ARHGAP42: variants seen among roughly 807,000 people sequenced by gnomAD.
ARHGAP42 encodes the protein rho GTPase-activating protein 42.
Under a neutral mutation model 125.0 loss-of-function variants are expected in ARHGAP42, and 63 were observed. The ratio of observed to expected loss-of-function variants is 0.50; its 90% CI spans 0.41 to 0.62. ARHGAP42 has a LOEUF of 0.62. Among genes scored for constraint, ARHGAP42 ranks in the 20% least tolerant of loss-of-function variants. ARHGAP42 has a pLI of 0.00. For missense variants in ARHGAP42, 766 were observed against 1,024.2 expected (o/e 0.75, Z 3.44); for synonymous variants, 339 against 351.0 (o/e 0.97, Z 0.38).
chr11:100,783,722 G>A (rs538219006), intron 2 of ARHGAP42, among the ~76,000 whole-genome samples: 29 of 152,326 alleles, frequency 1.9e-4, no homozygotes, highest in African/African-American at 7.0e-4. Flanking sequence ...CAGTGCCAAT[G>A]CTGTGCAAAT....
At chr11:100,921,214 CAT>C (rs1555024757) in intron 5 of ARHGAP42, among the ~76,000 whole-genome samples, 17 of 36,292 alleles carry the variant, frequency 4.7e-4, no homozygotes, top group Admixed American at 2.2e-3. Flanking sequence ...TATATATATA[CAT>C]ATATATATAT....
intron 1 of ARHGAP42, among the ~76,000 whole-genome samples, chr11:100,695,556 C>T (rs1861262414): frequency 1.3e-5 from 2 of 152,168 alleles, no homozygotes; most frequent in South Asian, 2.1e-4. Context: ...CTACCCTCCT[C>T]GGCCTCCCAA....
chr11:100,875,150 T>C (rs1019595493), intron 4 of ARHGAP42, among the ~76,000 whole-genome samples: 3 of 137,052 alleles, frequency 2.2e-5, no homozygotes, highest in African/African-American at 8.3e-5. Flanking sequence ...TGTGTGTGTG[T>C]GTGGCTCATG....
chr11:100,757,067 A>G (rs1862594441), intron 1 of ARHGAP42, among the ~76,000 whole-genome samples: 1 of 152,208 alleles, frequency 6.6e-6, no homozygotes, highest in Admixed American at 6.5e-5. Context: ...TATATAATAC[A>G]TTGGCAGTTA....
rs377253496 is a variant in ARHGAP42, at chr11:100,797,804, A to G, written c.312+2638A>G. On this transcript the variant is annotated intron_variant, in intron 3 of 23. Coordinates refer to ENST00000298815, the MANE Select transcript of ARHGAP42 (RefSeq NM_152432.4). Reference sequence around the variant, plus strand: ...AAGAAATACATTTTTTCAAGGCTATAGCTGCCATAGATTTTGATTCCTCTG... The same window carrying G: ...AAGAAATACATTTTTTCAAGGCTATGGCTGCCATAGATTTTGATTCCTCTG... Among the ~76,000 whole-genome samples the G allele has an allele frequency of 2.2e-4, 34 of 152,296 alleles. 1 individual carries two copies. In the East Asian group the frequency reaches 4.1e-3, roughly 18 times the overall value.
chr11:100,713,767 G>T (rs1321220760), intron 1 of ARHGAP42, among the ~76,000 whole-genome samples: 1 of 152,158 alleles, frequency 6.6e-6, no homozygotes, highest in Admixed American at 6.5e-5. Context: ...GGGATCTGCA[G>T]AAATTTGTTT....
chr11:100,801,532 A>G (rs1565220025), intron 3 of ARHGAP42, among the ~76,000 whole-genome samples: 1 of 152,332 alleles, frequency 6.6e-6, no homozygotes, highest in East Asian at 1.9e-4. Context: ...AAGAGCCCAA[A>G]GAAACATGGG....
intron 1 of ARHGAP42, among the ~76,000 whole-genome samples, chr11:100,708,201 A>G (rs1861508216): frequency 6.6e-6 from 1 of 152,220 alleles, no homozygotes; most frequent in African/African-American, 2.4e-5. Context: ...TACCTAGCAT[A>G]GTACCTGGTA....
intron 3 of ARHGAP42, among the ~76,000 whole-genome samples, chr11:100,808,595 C>T (rs1466859372): frequency 6.6e-6 from 1 of 150,558 alleles, no homozygotes; most frequent in Non-Finnish European, 1.5e-5. Flanking sequence ...TTAGTAGAGA[C>T]GGGGTTTCAC....
intron 3 of ARHGAP42, among the ~76,000 whole-genome samples, chr11:100,812,207 A>C (rs1355258893): frequency 6.6e-6 from 1 of 152,236 alleles, no homozygotes; most frequent in Non-Finnish European, 1.5e-5. Context: ...ACAAGCTGTA[A>C]ACTGTAGGAT....
chr11:100,756,575 T>G lies in ARHGAP42; in HGVS notation c.155-13768T>G, dbSNP rs530079748. 8.7e-4 allele frequency among the ~76,000 whole-genome samples: 133 copies of G among 152,338 alleles called. 1 individual carries two copies. The highest frequency in any genetic ancestry group is 3.0e-3 in the African/African-American group (124 of 41,576). On this transcript the variant is annotated intron_variant, in intron 1 of 23. Coordinates refer to ENST00000298815, the MANE Select transcript of ARHGAP42 (RefSeq NM_152432.4). ...CATATACATTTGTTAAGTTTTTTAT[T>G]GAATGGTGACCCAATCATAGGCCGA...
At chr11:100,854,317 A>G (rs1409530366) in intron 3 of ARHGAP42, among the ~76,000 whole-genome samples, 2 of 152,190 alleles carry the variant, frequency 1.3e-5, no homozygotes. Flanking sequence ...TGAAAGTTAT[A>G]TTAAATTCAA....
intron 17 of ARHGAP42, among the ~76,000 whole-genome samples, chr11:100,972,744 C>A (rs900488882): frequency 1.3e-5 from 2 of 152,096 alleles, no homozygotes; most frequent in African/African-American, 2.4e-5. Context: ...ATCTGACTTA[C>A]TGGGAAGACT....
intron 1 of ARHGAP42, among the ~76,000 whole-genome samples, chr11:100,723,238 T>C (rs565074298): frequency 6.6e-6 from 1 of 152,298 alleles, no homozygotes; most frequent in Non-Finnish European, 1.5e-5. Context: ...ACTTTATTCT[T>C]CTTCAATACT....
intron 3 of ARHGAP42, among the ~76,000 whole-genome samples, chr11:100,858,346 C>G (rs1028600256): frequency 2.6e-5 from 4 of 152,132 alleles, no homozygotes; most frequent in African/African-American, 9.6e-5. Flanking sequence ...GAGTATTAGT[C>G]CACTTTCTAT....
At chr11:100,689,682 C>A (rs1861153511) in intron 1 of ARHGAP42, among the ~76,000 whole-genome samples, 1 of 152,198 alleles carries the variant, frequency 6.6e-6, no homozygotes. Flanking sequence ...GGCTTATGCA[C>A]TTAATTATAC....
chr11:100,929,680 CTT>C (rs34015523), intron 6 of ARHGAP42, among the ~76,000 whole-genome samples: 7,001 of 152,252 alleles, frequency 0.046, 308 homozygotes, highest in East Asian at 0.25. Flanking sequence ...CTTTCAAATG[CTT>C]TTTGACCATT....
chr11:100,973,836 C>T (rs1858318290), intron 18 of ARHGAP42, among the ~76,000 whole-genome samples: 1 of 152,106 alleles, frequency 6.6e-6, no homozygotes, highest in South Asian at 2.1e-4. Context: ...CAAATTGAAC[C>T]ATTTAAGGTC....
Position 100,989,703 on chromosome 11 carries a change from C to T in ARHGAP42, c.*902C>T, listed in dbSNP as rs1858781981. 1 of 152,186 alleles carries T rather than the reference C, an allele frequency of 6.6e-6. No individual in the cohort carries two copies. Among genetic ancestry groups the T allele is most frequent in the Non-Finnish European group, 1.5e-5 (1 of 68,032 alleles). The allele number at this position is 152,186 out of a possible 1,614,324, so 9.4% of individuals were successfully genotyped here. A position where few individuals can be genotyped will look rare whatever the true frequency, so the allele number is the denominator to read the frequency against. ...TACCAATGATGGGGAAACTGTAAAA[C>T]TACAGTATCAAGGCATACAACTTAA... On this transcript the variant is annotated 3_prime_UTR_variant, in exon 24 of 24. Transcript: ENST00000298815.
Sources: gnomAD v4.1 joint callset for allele counts (sites outside exome capture counted in the v4.1 genomes callset) on GRCh38, gnomAD v4.1.1 for gene constraint, MANE v1.5 for transcripts, NCBI Gene and HGNC (gene_info 2026-07-23, HGNC 2026-07-21) for gene names.